The following KLHL29 variants were observed in gnomAD, a reference collection of about 807,000 sequenced individuals.
KLHL29 encodes the protein kelch-like protein 29.
In KLHL29, 21 loss-of-function variants were observed where a neutral mutation model predicts 80.4. The ratio of observed to expected loss-of-function variants is 0.26; its 90% CI spans 0.19 to 0.38. The LOEUF is 0.38. Ranked by LOEUF, KLHL29 falls within the 10% of genes least tolerant of loss-of-function variation. The probability of loss-of-function intolerance (pLI) is 1.00; values close to 1 mark genes in which losing one functional copy is unlikely to be tolerated. For missense variants in KLHL29, 867 were observed against 1,223.9 expected (o/e 0.71, Z 4.35); for synonymous variants, 511 against 526.8 (o/e 0.97, Z 0.41).
chr2:23,628,157 G>A lies in KLHL29; in HGVS notation c.286-10982G>A, dbSNP rs1005499082. On this transcript the variant is annotated intron_variant, in intron 3 of 13. Transcript: ENST00000486442. ...GAACTCCTGACCTCGTGATCCACCC[G>A]CATTGGCCTCCCAAAGGGCTGGGAT... Among the ~76,000 whole-genome samples, 9 of 152,082 alleles carry A rather than the reference G, an allele frequency of 5.9e-5. No homozygotes were observed. In the South Asian group the frequency reaches 1.2e-3, roughly 21 times the overall value.
In KLHL29 at chr2:23,695,931, G is replaced by T. The variant is rs184455424; in HGVS notation, c.1742-20G>T. On this transcript the variant is annotated intron_variant, in intron 9 of 13. Transcript: ENST00000486442. The surrounding 1 kb of genome is among the most constrained non-coding windows in gnomAD (Gnocchi z 7.6). ...CAGTCTTAGAGTGTGTCCCAAGGGC[G>T]CCCATCCATGTCCCTGCAGGTGTGG... 77 of 1,548,986 alleles carry T rather than the reference G, an allele frequency of 5.0e-5. No homozygotes were observed. The highest frequency in any genetic ancestry group is 3.5e-4 in the South Asian group (29 of 83,724).
intron 3 of KLHL29, among the ~76,000 whole-genome samples, chr2:23,620,380 C>G (rs917071151): frequency 6.6e-6 from 1 of 152,154 alleles, no homozygotes; most frequent in Non-Finnish European, 1.5e-5. Flanking sequence ...TTCAGATAGA[C>G]ACCCCAGGTG....
At chr2:23,615,838 A>T (rs1269821550) in intron 3 of KLHL29, among the ~76,000 whole-genome samples, 1 of 152,176 alleles carries the variant, frequency 6.6e-6, no homozygotes, top group Non-Finnish European at 1.5e-5. Context: ...GCCTTCCTGC[A>T]CGTCAGCGTC....
intron 1 of KLHL29, among the ~76,000 whole-genome samples, chr2:23,405,505 C>G (rs748638844): frequency 6.6e-6 from 1 of 152,192 alleles, no homozygotes; most frequent in Admixed American, 6.5e-5. Flanking sequence ...GAGGTTTTCT[C>G]CTTTTCCATG....
chr2:23,667,742 C>T (rs1469368512), intron 5 of KLHL29: 1 of 152,464 alleles, frequency 6.6e-6, no homozygotes, highest in Non-Finnish European at 1.5e-5. Flanking sequence ...CGTGCTCCAC[C>T]CTGGGGCCCG....
At chr2:23,606,471 G>A (rs557245837) in intron 3 of KLHL29, among the ~76,000 whole-genome samples, 4 of 152,138 alleles carry the variant, frequency 2.6e-5, no homozygotes, top group East Asian at 1.9e-4. Flanking sequence ...TCTAAGGCAC[G>A]GGGTTAGGCA....
In KLHL29 at chr2:23,457,404, T is replaced by C. The variant is rs1395939863; in HGVS notation, c.-153-18156T>C. On this transcript the variant is annotated intron_variant, in intron 1 of 13. Coordinates refer to ENST00000486442, the MANE Select transcript of KLHL29 (RefSeq NM_052920.2). The surrounding 1 kb of genome is among the most constrained non-coding windows in gnomAD (Gnocchi z 4.3). ...CTTAATTCTTTCCTTCATCTTCCTC[T>C]CCTTTGATTCTGATCCATTAAGTGG... Among the ~76,000 whole-genome samples, 1 of 152,276 alleles carries C rather than the reference T, an allele frequency of 6.6e-6. No individual in the cohort carries two copies. The highest frequency in any genetic ancestry group is 1.5e-5 in the Non-Finnish European group (1 of 68,022).
chr2:23,422,264 T>G (rs1662838196), intron 1 of KLHL29, among the ~76,000 whole-genome samples: 1 of 152,060 alleles, frequency 6.6e-6, no homozygotes, highest in Admixed American at 6.6e-5. Context: ...TCTGTGTCTG[T>G]GTGTGCCTAT....
chr2:23,396,360 C>T (rs1365263639), intron 1 of KLHL29, among the ~76,000 whole-genome samples: 1 of 152,240 alleles, frequency 6.6e-6, no homozygotes, highest in East Asian at 1.9e-4. Context: ...TGTTGCAATG[C>T]TGCCCTGTTT....
intron 13 of KLHL29, 22 bp from the exon 14 acceptor site, chr2:23,706,459 T>C (rs1441800049): frequency 6.9e-6 from 10 of 1,440,814 alleles, no homozygotes; most frequent in Non-Finnish European, 8.2e-6. Context: ...TGCCTAACTC[T>C]GTCCCCGCTT....
chr2:23,393,210 A>C (rs1447176851), intron 1 of KLHL29, among the ~76,000 whole-genome samples: 3 of 152,250 alleles, frequency 2.0e-5, no homozygotes, highest in African/African-American at 7.2e-5. Context: ...GATAACAGAC[A>C]TCAAAGCTGA....
At chr2:23,595,660 T>C (rs1668376760) in intron 3 of KLHL29, among the ~76,000 whole-genome samples, 1 of 152,150 alleles carries the variant, frequency 6.6e-6, no homozygotes, top group African/African-American at 2.4e-5. Flanking sequence ...GGGAGCAGTG[T>C]CCTGGTCACT....
chr2:23,692,231 G>A (rs1458068324), intron 7 of KLHL29, among the ~76,000 whole-genome samples: 1 of 152,204 alleles, frequency 6.6e-6, no homozygotes, highest in African/African-American at 2.4e-5. Flanking sequence ...TCTAGACCCT[G>A]AACAAAGCAG....
intron 1 of KLHL29, among the ~76,000 whole-genome samples, chr2:23,444,398 C>T (rs899979551): frequency 1.3e-5 from 2 of 152,122 alleles, no homozygotes; most frequent in African/African-American, 2.4e-5. Context: ...AATCTTGGCT[C>T]ACTGCAACCT....
chr2:23,397,064 G>A (rs983634836), intron 1 of KLHL29, among the ~76,000 whole-genome samples: 3 of 152,316 alleles, frequency 2.0e-5, no homozygotes, highest in Middle Eastern at 3.4e-3. Flanking sequence ...CTGGCAGTGC[G>A]GGGGAAGGTA....
intron 1 of KLHL29, among the ~76,000 whole-genome samples, chr2:23,421,550 G>C (rs868816904): frequency 3.1e-5 from 3 of 97,010 alleles, no homozygotes; most frequent in South Asian, 3.6e-4. Context: ...GTGTGTGTGT[G>C]TGTGTGTGTG....
intron 3 of KLHL29, among the ~76,000 whole-genome samples, chr2:23,585,640 C>G (rs1446641036): frequency 1.3e-5 from 2 of 152,100 alleles, no homozygotes; most frequent in Admixed American, 6.5e-5. Flanking sequence ...TTCTGCCCCC[C>G]AGGCTCCCCA....
intron 1 of KLHL29, among the ~76,000 whole-genome samples, chr2:23,445,897 T>C (rs1400314118): frequency 1.3e-5 from 2 of 152,270 alleles, no homozygotes; most frequent in African/African-American, 2.4e-5. Context: ...TTTCTTTCTA[T>C]AAACTGTGTA....
intron 5 of KLHL29, among the ~76,000 whole-genome samples, chr2:23,658,242 G>T (rs1670300431): frequency 6.6e-6 from 1 of 152,066 alleles, no homozygotes; most frequent in Non-Finnish European, 1.5e-5. Flanking sequence ...GGAGCTCCCA[G>T]CCTGTGCCAC....
Sources: allele counts gnomAD v4.1 joint callset (sites outside exome capture counted in the v4.1 genomes callset), GRCh38; gene constraint gnomAD v4.1.1; non-coding constraint Gnocchi (gnomAD v3.1); transcripts MANE v1.5; gene names NCBI Gene and HGNC (gene_info 2026-07-23, HGNC 2026-07-21).